The following ACTN1 variants were observed in gnomAD, a reference collection of about 807,000 sequenced individuals.
ACTN1 encodes actinin alpha 1.
In ACTN1, 30 loss-of-function variants were observed where a neutral mutation model predicts 119.6. The observed-to-expected ratio is 0.25, with a 90% CI of 0.19 to 0.34. The LOEUF is 0.34. Among genes scored for constraint, ACTN1 ranks in the 10% least tolerant of loss-of-function variants. The pLI is 1.00. For synonymous variants in ACTN1, 429 were observed against 472.6 expected (o/e 0.91, Z 1.20); for missense variants, 764 against 1,223.4 (o/e 0.62, Z 5.60).
At chr14:68,921,394 C>T (rs2034641385) in intron 2 of ACTN1, 1 of 326,318 alleles carries the variant, frequency 3.1e-6, no homozygotes, top group South Asian at 4.9e-5. Flanking sequence ...TATCGAGCCC[C>T]TACCGCATGC....
chr14:68,962,464 C>T (rs772747929), intron 1 of ACTN1, among the ~76,000 whole-genome samples: 18 of 152,192 alleles, frequency 1.2e-4, no homozygotes, highest in Non-Finnish European at 2.4e-4. Flanking sequence ...CACTTACCCA[C>T]CCTCCCCAGC....
At chr14:68,978,401 C>T (rs1983700) in intron 1 of ACTN1, 265,915 of 368,300 alleles carry the variant, frequency 0.72, 97,373 homozygotes, top group East Asian at 0.95. Flanking sequence ...GGTCCTTCTC[C>T]AGGCAGATCC....
intron 20 of ACTN1, chr14:68,877,722 C>G (rs2031060015): frequency 6.2e-6 from 1 of 162,098 alleles, no homozygotes; most frequent in African/African-American, 2.4e-5. Flanking sequence ...CAGTCTGGTT[C>G]TAGAATCTGT....
At position 68,888,929 on chromosome 14, in the gene ACTN1, C is replaced by G. The variant is rs181479; in HGVS notation, c.1234+1210G>C. On this transcript the variant is annotated intron_variant, in intron 11 of 21. Coordinates refer to ENST00000394419, the MANE Select transcript of ACTN1 (RefSeq NM_001130004.2). ...GTACCAACAAGGCTGGGGACCGCTG[C>G]CCTACACCAAGCCAAGCCACTCCCA... is the stretch of plus-strand genomic sequence containing the variant. 6.2e-3 allele frequency among the ~76,000 whole-genome samples: 948 copies of G among 152,258 alleles called. 10 individuals are homozygous for G. The highest frequency in any genetic ancestry group is 0.021 in the African/African-American group (867 of 41,532).
At position 68,887,634 on chromosome 14, in the gene ACTN1, A is replaced by G. The variant is rs2032125731; in HGVS notation, c.1235-2059T>C. On this transcript the variant is annotated intron_variant, in intron 11 of 21. Transcript: ENST00000394419. ...CTCTTAAAAAAAAGCATTTACACTTAAAAAATGGGATGAGGTGGGATACCC... is the reference window on the plus strand; with the variant it reads ...CTCTTAAAAAAAAGCATTTACACTTGAAAAATGGGATGAGGTGGGATACCC... 12 of 1,366,234 alleles carry G rather than the reference A, an allele frequency of 8.8e-6. No homozygotes were observed. In the South Asian group the frequency reaches 1.3e-4, roughly 14 times the overall value. 84.6% of individuals were successfully genotyped at this position (1,366,234 alleles called of 1,614,324 possible). A position where few individuals can be genotyped will look rare whatever the true frequency, so the allele number is the denominator to read the frequency against.
At chr14:68,945,174 A>AAG (rs2035900420) in intron 1 of ACTN1, among the ~76,000 whole-genome samples, 1 of 150,664 alleles carries the variant, frequency 6.6e-6, no homozygotes, top group Admixed American at 6.6e-5. Flanking sequence ...AAAAAAAAAA[A>AAG]AAAGAAAGAA....
At chr14:68,902,608 C>A (rs1301704798) in intron 7 of ACTN1, 46 bp from the exon 8 acceptor site, 2 of 1,516,320 alleles carry the variant, frequency 1.3e-6, no homozygotes, top group African/African-American at 1.4e-5. Context: ...TCCAAGAACA[C>A]CATACACCCC....
chr14:68,905,300 G>C (rs573812838), intron 6 of ACTN1, among the ~76,000 whole-genome samples: 1 of 152,322 alleles, frequency 6.6e-6, no homozygotes, highest in South Asian at 2.1e-4. Context: ...ACACTTAGCG[G>C]GGCTTGGCAA....
At chr14:68,884,452 T>G (rs924015138) in intron 13 of ACTN1, 144 bp from the exon 14 acceptor site, 1 of 1,027,678 alleles carries the variant, frequency 9.7e-7, no homozygotes, top group Non-Finnish European at 1.4e-6. Context: ...GCCAGCTGTA[T>G]GAACCATCTC....
intron 1 of ACTN1, among the ~76,000 whole-genome samples, chr14:68,932,459 T>C (rs1055505866): frequency 6.7e-6 from 1 of 149,462 alleles, no homozygotes; most frequent in Non-Finnish European, 1.5e-5. Context: ...CCTTTATATA[T>C]ACATCTATCT....
Position 68,925,993 on chromosome 14 carries a change from C to G in ACTN1, c.106-321G>C, listed in dbSNP as rs952996804. The stretch of plus-strand genomic sequence containing the variant: ...ACCCACATTTGAAAATGCCACAATT[C>G]CATTCTTACAAGTTACCTCTTAAGT... On this transcript the variant is annotated intron_variant, in intron 1 of 21. Transcript: ENST00000394419. This position sits in a 1 kb window ranked among gnomAD's most constrained non-coding sequence, Gnocchi z 4.3. 3.3e-5 allele frequency among the ~76,000 whole-genome samples: 5 copies of G among 152,208 alleles called. No homozygotes were observed. Among genetic ancestry groups the G allele is most frequent in the African/African-American group, 1.2e-4 (5 of 41,446 alleles).
intron 1 of ACTN1, among the ~76,000 whole-genome samples, chr14:68,938,999 G>A (rs964398186): frequency 5.3e-5 from 8 of 152,262 alleles, no homozygotes; most frequent in African/African-American, 1.9e-4. Context: ...GGGTCACCAG[G>A]GCCAAGAAGC....
Position 68,883,037 on chromosome 14 carries a change from C to G in ACTN1, c.1654G>C (p.Glu552Gln), listed in dbSNP as rs768390005. 6.2e-7 allele frequency: 1 copy of G among 1,614,102 alleles called. No individual in the cohort carries two copies. Among genetic ancestry groups the G allele is most frequent in the Non-Finnish European group, 8.5e-7 (1 of 1,180,008 alleles). ...EEIQGLTTAHEQFKATLPDAD... is the reference protein window; with the variant it reads ...EEIQGLTTAHQQFKATLPDAD... The stretch of plus-strand genomic sequence containing the variant: ...TCAGGGAGGGTGGCCTTGAACTGCT[C>G]ATGGGCTGTGGTCAGTCCCTGGACA... The change falls in exon 15 of 22, where the codon GAG becomes CAG. Residue 552 changes from glutamate to glutamine, a missense_variant. Physicochemically the swap from Glu to Gln is conservative, Grantham distance 29. Around this residue, in one of 4 missense-constraint regions of ACTN1, gnomAD observed 544 missense variants for 912.0 expected, o/e 0.60. Transcript: ENST00000394419.
intron 1 of ACTN1, among the ~76,000 whole-genome samples, chr14:68,952,279 C>G (rs566913138): frequency 6.6e-6 from 1 of 152,334 alleles, no homozygotes; most frequent in Non-Finnish European, 1.5e-5. Context: ...CAGCTTCTGA[C>G]AGGCCCCAGC....
chr14:68,927,701 T>C (rs1161430977), intron 1 of ACTN1, among the ~76,000 whole-genome samples: 1 of 152,250 alleles, frequency 6.6e-6, no homozygotes, highest in Non-Finnish European at 1.5e-5. Context: ...GTACCAAGCA[T>C]CCTTCCTCCG....
chr14:68,903,214 C>T (rs536201286), intron 7 of ACTN1, among the ~76,000 whole-genome samples: 24 of 152,280 alleles, frequency 1.6e-4, no homozygotes, highest in African/African-American at 4.8e-4. Context: ...GGTCATCGTG[C>T]TATTCTTTCT....
chr14:68,890,110 G>A (rs1266503748), intron 11 of ACTN1, 29 bp downstream of exon 11: 3 of 1,600,704 alleles, frequency 1.9e-6, no homozygotes, highest in African/African-American at 1.3e-5. Context: ...GAAGCCCTGG[G>A]GGGAGGCAGG....
chr14:68,916,626 C>A (rs1308726461), intron 3 of ACTN1, among the ~76,000 whole-genome samples: 2 of 152,162 alleles, frequency 1.3e-5, no homozygotes, highest in Non-Finnish European at 2.9e-5. Context: ...CCTCCGGCTT[C>A]TCAACGTTTG....
intron 6 of ACTN1, among the ~76,000 whole-genome samples, chr14:68,905,615 G>A (rs1489824462): frequency 6.6e-6 from 1 of 152,224 alleles, no homozygotes; most frequent in African/African-American, 2.4e-5. Context: ...ATATTATTCA[G>A]CCTCAACAAG....
Sources: gnomAD v4.1 joint callset for allele counts (sites outside exome capture counted in the v4.1 genomes callset) on GRCh38, gnomAD v4.1.1 for gene constraint, gnomAD v4.1.1 regional missense constraint, Gnocchi (gnomAD v3.1) non-coding constraint, MANE v1.5 for transcripts, NCBI Gene and HGNC (gene_info 2026-07-23, HGNC 2026-07-21) for gene names.